Variants in MYH13 observed in about 807,000 individuals in gnomAD.
The protein encoded by MYH13 is myosin-13.
MYH13 carries 177 observed loss-of-function variants against 232.1 expected under a neutral mutation model. The observed-to-expected ratio is 0.76, with a 90% CI of 0.67 to 0.86. The LOEUF is 0.86. Ranked by LOEUF, MYH13 falls within the 40% of genes least tolerant of loss-of-function variation. The pLI is 0.00. For synonymous variants in MYH13, 884 were observed against 923.5 expected (o/e 0.96, Z 0.78); for missense variants, 2,246 against 2,405.9 (o/e 0.93, Z 1.39).
chr17:10,305,814 TA>T (rs1393076332), intron 37 of MYH13, among the ~76,000 whole-genome samples: 5 of 152,068 alleles, frequency 3.3e-5, no homozygotes, highest in Non-Finnish European at 7.4e-5. Flanking sequence ...CGCTCCCAGA[TA>T]AAGAAAGAGC....
chr17:10,311,266 C>A, intron 32 of MYH13, 39 bp from the exon 33 acceptor site: 1 of 1,612,012 alleles, frequency 6.2e-7, no homozygotes, highest in Non-Finnish European at 8.5e-7. Context: ...TTTCAACAGG[C>A]TCCAGTTTAT....
At chr17:10,339,639 A>G (rs74862778) in intron 18 of MYH13, among the ~76,000 whole-genome samples, 2,479 of 152,336 alleles carry the variant, frequency 0.016, 39 homozygotes, top group Non-Finnish European at 0.025. Flanking sequence ...GCCTATATAC[A>G]TACACACAAT....
chr17:10,325,534 G>A (rs1057185813), intron 22 of MYH13, among the ~76,000 whole-genome samples: 2 of 152,130 alleles, frequency 1.3e-5, no homozygotes, highest in Non-Finnish European at 2.9e-5. Context: ...TCGAACCACA[G>A]AACAGAAAAT....
intron 24 of MYH13, 85 bp downstream of exon 24, chr17:10,321,447 C>T: frequency 1.5e-6 from 2 of 1,358,200 alleles, no homozygotes; most frequent in Admixed American, 4.4e-5. Context: ...TCTGACCTCT[C>T]AAGCCCTGTG....
At position 10,304,407 on chromosome 17, in the gene MYH13, A is replaced by T. The variant is rs1250527885; in HGVS notation, c.5467-909T>A. 6.6e-6 allele frequency among the ~76,000 whole-genome samples: 1 copy of T among 152,226 alleles called. No individual in the cohort carries two copies. Among genetic ancestry groups the T allele is most frequent in the Non-Finnish European group, 1.5e-5 (1 of 68,042 alleles). ...GGCAGAGGCAGCCTCAGGTGCACAGAGCATAGCTGGTGGGTCAGGATTTGC... is the reference window on the plus strand; with the variant it reads ...GGCAGAGGCAGCCTCAGGTGCACAGTGCATAGCTGGTGGGTCAGGATTTGC... On this transcript the variant is annotated intron_variant, in intron 37 of 40. Transcript: ENST00000252172. The surrounding 1 kb of genome is among the most constrained non-coding windows in gnomAD (Gnocchi z 5.3).
intron 22 of MYH13, among the ~76,000 whole-genome samples, chr17:10,326,846 C>T (rs1300325863): frequency 7.1e-6 from 1 of 140,180 alleles, no homozygotes; most frequent in Non-Finnish European, 1.6e-5. Context: ...ATCGGGGTCT[C>T]ACTGTGTTGC....
At chr17:10,309,948 T>TG (rs1906447721) in intron 33 of MYH13, 118 bp from the exon 34 acceptor site, 4 of 658,960 alleles carry the variant, frequency 6.1e-6, no homozygotes, top group African/African-American at 2.0e-5. Context: ...AAATTTAAAT[T>TG]TTTTTTTTTT....
At chr17:10,343,711 G>A in intron 16 of MYH13, 89 bp downstream of exon 16, 1 of 1,365,852 alleles carries the variant, frequency 7.3e-7, no homozygotes, top group Non-Finnish European at 9.8e-7. Flanking sequence ...TGAAGCTCAT[G>A]TCTGATTACT....
In MYH13 at chr17:10,344,129, G is replaced by C. The variant is rs879202294; in HGVS notation, c.1585-20C>G. On this transcript the variant is annotated intron_variant, in intron 15 of 40. Coordinates refer to ENST00000252172, the MANE Select transcript of MYH13 (RefSeq NM_003802.3). ...CATAGGCTGGAAAGAGGATAACAGA[G>C]TCTACATATAATAGTGCATACCCAT... The C allele has an allele frequency of 2.5e-6, 4 of 1,612,852 alleles. No homozygotes were observed. The South Asian group carries it at 4.4e-5, about 18-fold the overall frequency.
intron 8 of MYH13, among the ~76,000 whole-genome samples, chr17:10,357,416 A>G (rs1176416186): frequency 1.3e-5 from 2 of 152,186 alleles, no homozygotes; most frequent in African/African-American, 4.8e-5. Flanking sequence ...ACATTTTAAA[A>G]TGTTTCCACA....
At chr17:10,318,644 T>G in intron 27 of MYH13, 146 bp downstream of exon 27, 2 of 1,072,838 alleles carry the variant, frequency 1.9e-6, no homozygotes, top group Non-Finnish European at 2.6e-6. Context: ...TGAGTAAATT[T>G]GAGGAACTAG....
intron 23 of MYH13, among the ~76,000 whole-genome samples, chr17:10,322,962 C>T (rs982520330): frequency 1.4e-4 from 22 of 152,014 alleles, no homozygotes; most frequent in Admixed American, 1.4e-3. Flanking sequence ...ATTTTTCCAC[C>T]GTTTAGCAGT....
chr17:10,339,436 G>A (rs181641397), intron 18 of MYH13, among the ~76,000 whole-genome samples: 4 of 152,306 alleles, frequency 2.6e-5, no homozygotes, highest in African/African-American at 7.2e-5. Context: ...ATCAATACGC[G>A]TATCTTGCAG....
intron 18 of MYH13, among the ~76,000 whole-genome samples, chr17:10,337,615 C>G (rs12943737): frequency 0.77 from 117,757 of 152,194 alleles, 45,949 homozygotes; most frequent in East Asian, 0.9. Flanking sequence ...GGCACACTAG[C>G]TGCTTTCTAA....
At chr17:10,355,033 G>A (rs1448726459) in intron 9 of MYH13, 40 bp from the exon 10 acceptor site, 2 of 1,610,404 alleles carry the variant, frequency 1.2e-6, no homozygotes, top group African/African-American at 2.7e-5. Flanking sequence ...GCTCCCAAGA[G>A]ATGCTTTTGT....
chr17:10,308,801 A>G (rs1222580205), intron 35 of MYH13, among the ~76,000 whole-genome samples: 2 of 152,106 alleles, frequency 1.3e-5, no homozygotes, highest in African/African-American at 4.8e-5. Flanking sequence ...AGTTCATTGC[A>G]GCTTCAACTC....
At chr17:10,350,794 GAC>G (rs2071703692) in intron 11 of MYH13, 100 bp from the exon 12 acceptor site, 1 of 1,469,830 alleles carries the variant, frequency 6.8e-7, no homozygotes, top group African/African-American at 1.4e-5. Context: ...TAGCATATGA[GAC>G]AGCATTTGCC....
chr17:10,362,006 C>A (rs2071797592), intron 5 of MYH13, 112 bp downstream of exon 5: 1 of 1,590,204 alleles, frequency 6.3e-7, no homozygotes, highest in African/African-American at 1.4e-5. Flanking sequence ...AATCATCTGA[C>A]TCTCCGAAGA....
chr17:10,346,769 G>T lies in MYH13; in HGVS notation c.1174C>A (p.Leu392Met). ...VADKAGYLMG[L>M]NSAEMLKGLC... ...CCCTTCAGCATTTCTGCAGAATTCA[G>T]TCCCATCAGGTATCCGGCTTTGTCA... The change falls in exon 13 of 41, where the codon CTG (leucine) becomes ATG (methionine). Residue 392 changes from leucine (L) to methionine (M), a missense_variant. By Grantham distance (15) the Leu-to-Met change is conservative. Transcript: ENST00000252172. The T allele has an allele frequency of 6.2e-7, 1 of 1,613,894 alleles. No individual in the cohort carries two copies. Among genetic ancestry groups the T allele is most frequent in the Non-Finnish European group, 8.5e-7 (1 of 1,179,864 alleles).
Sources: gnomAD v4.1 joint callset for allele counts (sites outside exome capture counted in the v4.1 genomes callset) on GRCh38, gnomAD v4.1.1 for gene constraint, Gnocchi (gnomAD v3.1) non-coding constraint, MANE v1.5 for transcripts, NCBI Gene and HGNC (gene_info 2026-07-23, HGNC 2026-07-21) for gene names.